TMEM26: variants seen among roughly 807,000 people sequenced by gnomAD.
TMEM26 encodes transmembrane protein 26.
In TMEM26, 38 loss-of-function variants were observed where a neutral mutation model predicts 28.8. That is an observed-to-expected ratio of 1.32 (90% CI 1.02 to 1.73). The LOEUF (loss-of-function observed/expected upper bound fraction) is 1.73. Ranked by LOEUF, TMEM26 falls within the 40% of genes most tolerant of loss-of-function variation. The pLI is 0.00. For missense variants in TMEM26, 518 were observed against 447.1 expected (o/e 1.16, Z -1.43); for synonymous variants, 227 against 182.9 (o/e 1.24, Z -1.95).
intron 2 of TMEM26, 142 bp from the exon 3 acceptor site, chr10:61,431,474 G>T: frequency 1.9e-6 from 1 of 539,376 alleles, no homozygotes; most frequent in Non-Finnish European, 3.2e-6. Context: ...TCCAAAAATC[G>T]GAATATAGGC....
chr10:61,441,971 C>A (rs1840102020), intron 1 of TMEM26, among the ~76,000 whole-genome samples: 1 of 152,072 alleles, frequency 6.6e-6, no homozygotes, highest in Non-Finnish European at 1.5e-5. Context: ...AGTACACAAG[C>A]AGGAGCACCA....
chr10:61,435,670 TAA>T (rs1048422326), intron 2 of TMEM26, among the ~76,000 whole-genome samples: 25 of 152,222 alleles, frequency 1.6e-4, no homozygotes, highest in African/African-American at 5.5e-4. Flanking sequence ...ACCTGCATTT[TAA>T]AAGAGACTAT....
Position 61,440,164 on chromosome 10 carries a change from C to T in TMEM26, c.192-3916G>A, listed in dbSNP as rs531576106. 8.6e-5 allele frequency among the ~76,000 whole-genome samples: 13 copies of T among 152,030 alleles called. No homozygotes were observed. In the South Asian group the frequency reaches 1.0e-3, roughly 12 times the overall value. ...CTGAGGCAGGAGAATTGCTTGAACCCGGGAGGTGGAGGTTGCAGTGAGCTA... is the reference window on the plus strand; with the variant it reads ...CTGAGGCAGGAGAATTGCTTGAACCTGGGAGGTGGAGGTTGCAGTGAGCTA... On this transcript the variant is annotated intron_variant, in intron 1 of 5. Transcript: ENST00000399298.
chr10:61,419,438 T>A (rs896968526), intron 4 of TMEM26, among the ~76,000 whole-genome samples: 6 of 152,138 alleles, frequency 3.9e-5, no homozygotes, highest in African/African-American at 7.2e-5. Context: ...AAAAGTCTCA[T>A]GGCAATGACT....
intron 4 of TMEM26, among the ~76,000 whole-genome samples, chr10:61,423,380 T>C (rs1036647398): frequency 1.3e-5 from 2 of 152,144 alleles, no homozygotes; most frequent in Admixed American, 1.3e-4. Flanking sequence ...AAAGATATCA[T>C]TAGAAAATAA....
chr10:61,418,483 G>A (rs1031485178), intron 4 of TMEM26, among the ~76,000 whole-genome samples: 3 of 151,888 alleles, frequency 2.0e-5, no homozygotes, highest in South Asian at 2.1e-4. Flanking sequence ...GTTTCTTAAC[G>A]TAAATGCTGT....
chr10:61,421,779 A>C (rs1025056446), intron 4 of TMEM26, among the ~76,000 whole-genome samples: 2 of 152,122 alleles, frequency 1.3e-5, no homozygotes, highest in Non-Finnish European at 2.9e-5. Flanking sequence ...GTGAGAGAAG[A>C]AGTTTCTGTT....
At chr10:61,415,494 C>G (rs540701620) in intron 4 of TMEM26, among the ~76,000 whole-genome samples, 12 of 151,976 alleles carry the variant, frequency 7.9e-5, no homozygotes, top group Non-Finnish European at 1.5e-4. Context: ...TTTCTAAATG[C>G]TTAACTCTAT....
Position 61,440,059 on chromosome 10 carries a change from G to A in TMEM26, c.192-3811C>T, listed in dbSNP as rs1217508076. Among the ~76,000 whole-genome samples the A allele has an allele frequency of 2.0e-5, 3 of 152,160 alleles. No homozygotes were observed. The South Asian group carries it at 6.2e-4, about 32-fold the overall frequency. On this transcript the variant is annotated intron_variant, in intron 1 of 5. Transcript: ENST00000399298. The stretch of plus-strand genomic sequence containing the variant: ...GTTCGCGACCAGCCTGGCCAACATG[G>A]TGAACCCCCATCTCTACTAAAAATA...
intron 2 of TMEM26, among the ~76,000 whole-genome samples, chr10:61,432,115 G>T (rs1333444552): frequency 6.6e-6 from 1 of 152,012 alleles, no homozygotes; most frequent in African/African-American, 2.4e-5. Context: ...GTGTGTGTAT[G>T]TGTGTGTATA....
intron 1 of TMEM26, among the ~76,000 whole-genome samples, chr10:61,437,461 A>G (rs1429034408): frequency 6.6e-6 from 1 of 152,194 alleles, no homozygotes; most frequent in Admixed American, 6.5e-5. Context: ...ATGCTGAAAT[A>G]AGAAAAATAA....
chr10:61,438,002 C>T (rs976629973), intron 1 of TMEM26, among the ~76,000 whole-genome samples: 3 of 151,884 alleles, frequency 2.0e-5, no homozygotes, highest in Non-Finnish European at 2.9e-5. Flanking sequence ...TATTATAATT[C>T]AGGAGAGAAA....
chr10:61,423,286 C>G lies in TMEM26; in HGVS notation c.605+5640G>C, dbSNP rs1269913765. On this transcript the variant is annotated intron_variant, in intron 4 of 5. Coordinates refer to ENST00000399298, the MANE Select transcript of TMEM26 (RefSeq NM_178505.8). ...TAAAATATTTAAAGAAGAAATAAGA[C>G]CAAACCTATGTAAAATCTTTCAGAA... is the stretch of plus-strand genomic sequence containing the variant. 2.0e-5 allele frequency among the ~76,000 whole-genome samples: 3 copies of G among 152,048 alleles called. No individual in the cohort carries two copies. The East Asian group carries it at 5.8e-4, about 29-fold the overall frequency.
intron 5 of TMEM26, 108 bp downstream of exon 5, chr10:61,413,351 T>C (rs986652710): frequency 1.3e-6 from 2 of 1,481,820 alleles, no homozygotes; most frequent in East Asian, 2.4e-5. Context: ...AGAACTAATA[T>C]TGGGATACAG....
intron 1 of TMEM26, among the ~76,000 whole-genome samples, chr10:61,451,220 T>C (rs971451508): frequency 3.3e-5 from 5 of 152,198 alleles, no homozygotes; most frequent in Non-Finnish European, 5.9e-5. Context: ...TCAGTACCAA[T>C]CAGCAGTAAA....
intron 1 of TMEM26, among the ~76,000 whole-genome samples, chr10:61,447,243 C>G (rs141959294): frequency 3.3e-5 from 5 of 152,308 alleles, no homozygotes; most frequent in African/African-American, 9.6e-5. Context: ...TATTTCCAAA[C>G]CTTCTCTCTG....
At chr10:61,425,789 AG>A (rs1418937936) in intron 4 of TMEM26, among the ~76,000 whole-genome samples, 1 of 152,174 alleles carries the variant, frequency 6.6e-6, no homozygotes, top group African/African-American at 2.4e-5. Context: ...TACAGGGAAA[AG>A]GATGGTTGAT....
intron 4 of TMEM26, among the ~76,000 whole-genome samples, chr10:61,419,817 T>C (rs1036299121): frequency 5.9e-5 from 9 of 151,960 alleles, no homozygotes; most frequent in African/African-American, 1.9e-4. Flanking sequence ...AATTTACAGG[T>C]GTAAGAAGAT....
chr10:61,428,894 A>G (rs749097768), intron 4 of TMEM26, 32 bp downstream of exon 4: 2 of 1,595,776 alleles, frequency 1.3e-6, no homozygotes, highest in Admixed American at 3.3e-5. Flanking sequence ...TGACCCTGAA[A>G]ACAAGGTGTT....
Sources: allele counts gnomAD v4.1 joint callset (sites outside exome capture counted in the v4.1 genomes callset), GRCh38; gene constraint gnomAD v4.1.1; transcripts MANE v1.5; gene names NCBI Gene and HGNC (gene_info 2026-07-23, HGNC 2026-07-21).